Variants in CELF5 observed in about 807,000 individuals in gnomAD.
CELF5 encodes the protein CUGBP Elav-like family member 5.
CELF5 carries 6 observed loss-of-function variants against 54.9 expected under a neutral mutation model. The ratio of observed to expected loss-of-function variants is 0.11; its 90% CI spans 0.06 to 0.22. The LOEUF (loss-of-function observed/expected upper bound fraction) is 0.22, where lower values mean the gene tolerates loss of function less well. CELF5 is among the 10% of genes least tolerant of loss of function. The pLI is 1.00. For missense variants in CELF5, 401 were observed against 678.6 expected (o/e 0.59, Z 4.54); for synonymous variants, 271 against 290.9 (o/e 0.93, Z 0.70).
chr19:3,253,628 A>AG (rs939617254), intron 2 of CELF5, among the ~76,000 whole-genome samples: 3 of 152,134 alleles, frequency 2.0e-5, no homozygotes, highest in Non-Finnish European at 2.9e-5. Context: ...GGTGCAGAGC[A>AG]GGGGGGGCAA....
intron 10 of CELF5, among the ~76,000 whole-genome samples, chr19:3,289,539 G>A (rs1207771033): frequency 2.0e-5 from 3 of 151,658 alleles, no homozygotes; most frequent in East Asian, 1.9e-4. Flanking sequence ...AAAATTATCC[G>A]GGCTTGGTGG....
rs1307357064 is a variant in CELF5, at chr19:3,224,697, C to T, written c.-43C>T. ...CCGCCGCTCCAGCTGCGAGTCCGCC[C>T]GCCGCCCGCCGCCGCCGCCGCCGGC... On this transcript the variant is annotated 5_prime_UTR_variant, in exon 1 of 13. Transcript: ENST00000292672. The T allele has an allele frequency of 1.5e-5, 15 of 1,000,406 alleles. No homozygotes were observed. Among genetic ancestry groups the T allele is most frequent in the Non-Finnish European group, 8.3e-6 (7 of 840,226 alleles). 62.0% of individuals were successfully genotyped at this position (1,000,406 alleles called of 1,614,324 possible).
chr19:3,277,493 T>C (rs534337597), intron 4 of CELF5, among the ~76,000 whole-genome samples: 2 of 152,224 alleles, frequency 1.3e-5, no homozygotes, highest in Admixed American at 6.5e-5. Flanking sequence ...AAAATTGAGA[T>C]GTCTTCCACA....
At chr19:3,250,871 GC>G in intron 1 of CELF5, 113 bp from the exon 2 acceptor site, 1 of 658,590 alleles carries the variant, frequency 1.5e-6, no homozygotes, top group South Asian at 1.9e-5. Context: ...GTAGATCTAT[GC>G]ATCTGTGGAT....
chr19:3,274,557 A>G (rs2080016809), intron 3 of CELF5, among the ~76,000 whole-genome samples: 1 of 152,206 alleles, frequency 6.6e-6, no homozygotes, highest in Non-Finnish European at 1.5e-5. Context: ...GCATGTGGGC[A>G]GACATGCAGG....
intron 2 of CELF5, among the ~76,000 whole-genome samples, chr19:3,266,615 G>A (rs2079885562): frequency 6.6e-6 from 1 of 152,176 alleles, no homozygotes; most frequent in Non-Finnish European, 1.5e-5. Context: ...ATCCTCAAGG[G>A]TGTTCTTTGG....
intron 1 of CELF5, among the ~76,000 whole-genome samples, chr19:3,245,559 G>T (rs1200527770): frequency 6.7e-6 from 1 of 148,912 alleles, no homozygotes; most frequent in Non-Finnish European, 1.5e-5. Flanking sequence ...TGCAGACAAG[G>T]AGTCCACAGG....
chr19:3,265,540 G>A (rs1296943928), intron 2 of CELF5, among the ~76,000 whole-genome samples: 3 of 152,180 alleles, frequency 2.0e-5, no homozygotes, highest in South Asian at 4.2e-4. Context: ...ACAGAGTCTC[G>A]CTGTTTTTTG....
At chr19:3,233,258 A>G (rs924771112) in intron 1 of CELF5, among the ~76,000 whole-genome samples, 1 of 152,170 alleles carries the variant, frequency 6.6e-6, no homozygotes, top group African/African-American at 2.4e-5. Context: ...ACTGCACTCC[A>G]ATCTGGAAAA....
At chr19:3,293,270 C>G (rs748957937) in intron 11 of CELF5, 49 bp from the exon 12 acceptor site, 6 of 1,607,396 alleles carry the variant, frequency 3.7e-6, no homozygotes. Context: ...AGGAACAAGC[C>G]GAGGACACCC....
chr19:3,271,671 G>A (rs1051353196), intron 2 of CELF5, among the ~76,000 whole-genome samples: 4 of 152,070 alleles, frequency 2.6e-5, no homozygotes, highest in African/African-American at 9.7e-5. Flanking sequence ...GATGAGGAAG[G>A]GCCTCTGAAG....
At chr19:3,249,855 C>A (rs550114263) in intron 1 of CELF5, among the ~76,000 whole-genome samples, 2 of 152,322 alleles carry the variant, frequency 1.3e-5, no homozygotes, top group South Asian at 2.1e-4. Flanking sequence ...CAGGGCCAGG[C>A]CTTCTTCCAT....
At position 3,228,651 on chromosome 19, in the gene CELF5, C is replaced by T. The variant is rs1175786170; in HGVS notation, c.259+3653C>T. Reference sequence around the variant, plus strand: ...CCCGGCGGGGGCCCGGGTGGGGGCCCGCGGTTTCCATGGGAGCACCAGCTG... The same window carrying T: ...CCCGGCGGGGGCCCGGGTGGGGGCCTGCGGTTTCCATGGGAGCACCAGCTG... On this transcript the variant is annotated intron_variant, in intron 1 of 12. Coordinates refer to ENST00000292672, the MANE Select transcript of CELF5 (RefSeq NM_021938.4). The surrounding 1 kb of genome is among the most constrained non-coding windows in gnomAD (Gnocchi z 6.0). 1.3e-5 allele frequency among the ~76,000 whole-genome samples: 2 copies of T among 150,082 alleles called. No homozygotes were observed. Among genetic ancestry groups the T allele is most frequent in the Non-Finnish European group, 3.0e-5 (2 of 67,360 alleles).
At chr19:3,272,622 G>T (rs1211369841) in intron 2 of CELF5, among the ~76,000 whole-genome samples, 3 of 152,158 alleles carry the variant, frequency 2.0e-5, no homozygotes, top group African/African-American at 4.8e-5. Flanking sequence ...TGTTCAGCAG[G>T]TTTCTCCAAT....
intron 12 of CELF5, chr19:3,296,057 G>T (rs1004582581): frequency 3.1e-4 from 26 of 82,990 alleles, no homozygotes; most frequent in African/African-American, 1.2e-3. Context: ...CCTCTACAGA[G>T]ATTTTTTTTT....
chr19:3,267,252 G>A (rs1165616057), intron 2 of CELF5, among the ~76,000 whole-genome samples: 1 of 150,674 alleles, frequency 6.6e-6, no homozygotes, highest in African/African-American at 2.4e-5. Flanking sequence ...CCAACCGCCC[G>A]GCCCAATACT....
intron 1 of CELF5, among the ~76,000 whole-genome samples, chr19:3,243,384 G>A (rs959477078): frequency 3.3e-5 from 5 of 152,088 alleles, no homozygotes; most frequent in South Asian, 2.1e-4. Context: ...AGGCTCAAGC[G>A]ATTCTCCTGT....
intron 4 of CELF5, 50 bp downstream of exon 4, chr19:3,276,034 TG>T: frequency 3.6e-5 from 2 of 55,322 alleles, no homozygotes; most frequent in Non-Finnish European, 6.1e-5. Context: ...GGGCTAGCTC[TG>T]GGGGCGGGGC....
intron 2 of CELF5, among the ~76,000 whole-genome samples, chr19:3,261,177 T>C (rs1002159195): frequency 6.6e-6 from 1 of 152,056 alleles, no homozygotes; most frequent in Non-Finnish European, 1.5e-5. Context: ...CCTAGCACTT[T>C]AGAAGGCCGA....
Sources: allele counts gnomAD v4.1 joint callset (sites outside exome capture counted in the v4.1 genomes callset), GRCh38; gene constraint gnomAD v4.1.1; non-coding constraint Gnocchi (gnomAD v3.1); transcripts MANE v1.5; gene names NCBI Gene and HGNC (gene_info 2026-07-23, HGNC 2026-07-21).